Variants in PAX7 observed in about 807,000 individuals in gnomAD.
The protein encoded by PAX7 is paired box protein Pax-7.
In PAX7, 18 loss-of-function variants were observed where a neutral mutation model predicts 50.7. The observed-to-expected ratio is 0.36, with a 90% CI of 0.25 to 0.53. The LOEUF (loss-of-function observed/expected upper bound fraction) is 0.53. PAX7 is among the 20% of genes least tolerant of loss of function. The pLI, the probability that PAX7 is intolerant of heterozygous loss-of-function variation, is 0.93. For missense variants in PAX7, 644 were observed against 702.9 expected (o/e 0.92, Z 0.95); for synonymous variants, 310 against 290.4 (o/e 1.07, Z -0.69).
chr1:18,738,084 T>C (rs947311032), intron 8 of PAX7, among the ~76,000 whole-genome samples: 2 of 152,206 alleles, frequency 1.3e-5, no homozygotes, highest in African/African-American at 4.8e-5. Context: ...TGTGGCTGTG[T>C]GTACATGTGT....
intron 4 of PAX7, among the ~76,000 whole-genome samples, chr1:18,668,905 G>A (rs1401505769): frequency 1.3e-5 from 2 of 152,234 alleles, no homozygotes; most frequent in African/African-American, 4.8e-5. Flanking sequence ...CCCTGGAGCA[G>A]GACCCTGGCT....
At chr1:18,686,518 C>T (rs144679241) in intron 4 of PAX7, among the ~76,000 whole-genome samples, 52 of 152,290 alleles carry the variant, frequency 3.4e-4, no homozygotes, top group Non-Finnish European at 5.6e-4. Flanking sequence ...TCCCCCTCCT[C>T]GAACCAGCTG....
chr1:18,727,971 G>A (rs1312589322), intron 7 of PAX7, among the ~76,000 whole-genome samples: 5 of 152,168 alleles, frequency 3.3e-5, no homozygotes, highest in Non-Finnish European at 7.4e-5. Context: ...CAGGGGGAAA[G>A]GAGGGGGAGG....
At chr1:18,660,725 T>G (rs1418126723) in intron 4 of PAX7, among the ~76,000 whole-genome samples, 1 of 152,036 alleles carries the variant, frequency 6.6e-6, no homozygotes, top group Non-Finnish European at 1.5e-5. Flanking sequence ...GCCTGCCTCC[T>G]TGGGCTCAGG....
chr1:18,648,945 A>C (rs947891689), intron 4 of PAX7, among the ~76,000 whole-genome samples: 1 of 152,106 alleles, frequency 6.6e-6, no homozygotes, highest in African/African-American at 2.4e-5. Flanking sequence ...CCCCAGCTGG[A>C]GGTGGAAGAG....
At chr1:18,703,995 G>C (rs2089254591) in intron 7 of PAX7, among the ~76,000 whole-genome samples, 1 of 152,198 alleles carries the variant, frequency 6.6e-6, no homozygotes, top group African/African-American at 2.4e-5. Context: ...TAAACAAAGA[G>C]AGTCTGTAAC....
In PAX7 at chr1:18,748,844, T is replaced by A. The variant is rs572005626; in HGVS notation, c.*3915T>A. On this transcript the variant is annotated 3_prime_UTR_variant, in exon 9 of 9. Coordinates refer to ENST00000420770, the MANE Select transcript of PAX7 (RefSeq NM_001135254.2). ...CTCTGTAACTCAGGCGTAACTGTTATACATTAAAAGAAATTAAAAGCATTT... is the reference window on the plus strand; with the variant it reads ...CTCTGTAACTCAGGCGTAACTGTTAAACATTAAAAGAAATTAAAAGCATTT... 1 of 203,804 alleles carries A rather than the reference T, an allele frequency of 4.9e-6. No individual in the cohort carries two copies. The highest frequency in any genetic ancestry group is 2.3e-5 in the African/African-American group (1 of 43,706). 12.6% of individuals were successfully genotyped at this position (203,804 alleles called of 1,614,324 possible). A position where few individuals can be genotyped will look rare whatever the true frequency, so the allele number is the denominator to read the frequency against.
At chr1:18,682,596 A>C (rs1261014553) in intron 4 of PAX7, among the ~76,000 whole-genome samples, 2 of 152,064 alleles carry the variant, frequency 1.3e-5, no homozygotes, top group African/African-American at 4.8e-5. Flanking sequence ...CCCACATTAG[A>C]ATCCCACCCT....
intron 8 of PAX7, among the ~76,000 whole-genome samples, chr1:18,741,996 G>A (rs1931157165): frequency 6.6e-6 from 1 of 152,226 alleles, no homozygotes; most frequent in African/African-American, 2.4e-5. Flanking sequence ...GTAAGATGCG[G>A]ATACCACCAC....
At chr1:18,668,412 TAAC>T (rs994587970) in intron 4 of PAX7, among the ~76,000 whole-genome samples, 9 of 152,090 alleles carry the variant, frequency 5.9e-5, no homozygotes, top group African/African-American at 2.4e-5. Flanking sequence ...TTAAAAATAA[TAAC>T]AATGGCCAGG....
intron 4 of PAX7, among the ~76,000 whole-genome samples, chr1:18,652,354 A>T (rs1175156645): frequency 6.6e-6 from 1 of 152,162 alleles, no homozygotes; most frequent in Non-Finnish European, 1.5e-5. Context: ...CTAGGAGCAC[A>T]GCCAGCAATA....
chr1:18,708,917 T>G (rs2089316251), intron 7 of PAX7, among the ~76,000 whole-genome samples: 1 of 152,104 alleles, frequency 6.6e-6, no homozygotes, highest in Admixed American at 6.5e-5. Flanking sequence ...CATCAGAAAG[T>G]CATTCAGAGC....
At chr1:18,647,581 T>C (rs1240067023) in intron 4 of PAX7, among the ~76,000 whole-genome samples, 1 of 152,036 alleles carries the variant, frequency 6.6e-6, no homozygotes, top group African/African-American at 2.4e-5. Context: ...GAGTGAAGCA[T>C]TCTGAGATCC....
At chr1:18,721,159 GCACAGGGGGCTGCCCGGGCCTGAA>G (rs1199144446) in intron 7 of PAX7, among the ~76,000 whole-genome samples, 1 of 152,134 alleles carries the variant, frequency 6.6e-6, no homozygotes, top group Non-Finnish European at 1.5e-5. Flanking sequence ...CTTTTCCCAT[GCACAGGGGGCTGCCCGGGCCTGAA>G]CCCCAGATGC....
rs567290976 is a variant in PAX7 at position 18,688,925 on chromosome 1, A to G, written c.587-2829A>G. Among the ~76,000 whole-genome samples, 14 of 152,252 alleles carry G rather than the reference A, an allele frequency of 9.2e-5. No homozygotes were observed. In the South Asian group the frequency reaches 2.9e-3, roughly 32 times the overall value. On this transcript the variant is annotated intron_variant, in intron 4 of 8. Transcript: ENST00000420770. ...CAAAACTCCATCTCAAAAATATAAA[A>G]ATAAAAAATAAATAAGAAAGACTAG...
rs182797856 is a variant in PAX7, at chr1:18,716,993, G to A, written c.1155+13697G>A. Among the ~76,000 whole-genome samples, 1,015 of 151,776 alleles carry A rather than the reference G, an allele frequency of 6.7e-3. 40 individuals are homozygous for A. The East Asian group carries it at 0.095, about 14-fold the overall frequency. ...GGGGTTGGGGCGGCGGCCGGAGCGG[G>A]GATCGGGTCTGGGGGGATCCGCGCG... On this transcript the variant is annotated intron_variant, in intron 7 of 8. Transcript: ENST00000420770.
At chr1:18,672,910 C>G (rs79431596) in intron 4 of PAX7, among the ~76,000 whole-genome samples, 17,774 of 152,076 alleles carry the variant, frequency 0.12, 1,232 homozygotes, top group East Asian at 0.28. Flanking sequence ...GGCCAGAGCA[C>G]TGGTATTTTA....
intron 5 of PAX7, among the ~76,000 whole-genome samples, chr1:18,692,520 T>A (rs1326409801): frequency 7.1e-6 from 1 of 140,920 alleles, no homozygotes; most frequent in Non-Finnish European, 1.5e-5. Context: ...CCAGCCTGGG[T>A]GACAGAGCGA....
At position 18,691,969 on chromosome 1, in the gene PAX7, C is replaced by A. The variant is rs199796451; in HGVS notation, c.786+16C>A. On this transcript the variant is annotated intron_variant, in intron 5 of 8. Transcript: ENST00000420770. Reference sequence around the variant, plus strand: ...GCGTGTGCAGGTGAGGAGGCACCTGCGGTGTCGGTGCTGCAGATATACTCC... The same window carrying A: ...GCGTGTGCAGGTGAGGAGGCACCTGAGGTGTCGGTGCTGCAGATATACTCC... 1.7e-5 allele frequency: 27 copies of A among 1,606,502 alleles called. No homozygotes were observed. In the East Asian group the frequency reaches 6.1e-4, roughly 36 times the overall value.
Sources: allele counts gnomAD v4.1 joint callset (sites outside exome capture counted in the v4.1 genomes callset), GRCh38; gene constraint gnomAD v4.1.1; transcripts MANE v1.5; gene names NCBI Gene and HGNC (gene_info 2026-07-23, HGNC 2026-07-21).